Variants in LRP1B observed in about 807,000 individuals in gnomAD.
The protein encoded by LRP1B is low-density lipoprotein receptor-related protein 1B.
In LRP1B, 217 loss-of-function variants were observed where a neutral mutation model predicts 556.6. The ratio of observed to expected loss-of-function variants is 0.39; its 90% CI spans 0.35 to 0.44. The LOEUF is 0.44. Among genes scored for constraint, LRP1B ranks in the 20% least tolerant of loss-of-function variants. LRP1B has a pLI of 1.00. For synonymous variants in LRP1B, 2,047 were observed against 1,865.8 expected, an observed-to-expected ratio of 1.10 and a Z score of -2.50; for missense variants, 5,053 against 5,620.8, an observed-to-expected ratio of 0.90 and a Z score of 3.23.
At chr2:141,464,606 A>ATTTT (rs71391651) in intron 3 of LRP1B, among the ~76,000 whole-genome samples, 1,273 of 90,544 alleles carry the variant, frequency 0.014, 68 homozygotes, top group South Asian at 0.021. Context: ...ATATATATAT[A>ATTTT]TTTTTTTAGT....
intron 86 of LRP1B, chr2:140,269,356 G>A (rs761015954): frequency 4.2e-6 from 2 of 470,594 alleles, no homozygotes; most frequent in African/African-American, 2.0e-5. Context: ...TGGTCACAGC[G>A]CTGACTTTTA....
In LRP1B at chr2:141,015,798, C is replaced by A. The variant is rs2105389266; in HGVS notation, c.2088G>T (p.Trp696Cys). ...RQIFVTSKMLWPNGLTLDFHT... is the reference protein window; with the variant it reads ...RQIFVTSKMLCPNGLTLDFHT... ...GAAAGTCCAGAGTTAAACCGTTTGG[C>A]CACAGCATCTTTGAAGTCACAAAAA... The change falls in exon 13 of 91, where the codon TGG becomes TGT. Residue 696 changes from tryptophan to cysteine, a missense_variant. Around this residue, in one of 5 missense-constraint regions of LRP1B, gnomAD observed 3,619 missense variants for 3,931.9 expected, o/e 0.92. Transcript: ENST00000389484. The A allele has an allele frequency of 6.2e-7, 1 of 1,613,506 alleles. No individual in the cohort carries two copies. Among genetic ancestry groups the A allele is most frequent in the Non-Finnish European group, 8.5e-7 (1 of 1,179,710 alleles).
At chr2:140,397,403 G>A (rs1684301910) in intron 66 of LRP1B, among the ~76,000 whole-genome samples, 2 of 151,972 alleles carry the variant, frequency 1.3e-5, no homozygotes, top group Admixed American at 1.3e-4. Context: ...CTGTGTCCAT[G>A]TGTTCATTTT....
chr2:141,761,038 G>A (rs892548308), intron 2 of LRP1B, among the ~76,000 whole-genome samples: 2 of 152,106 alleles, frequency 1.3e-5, no homozygotes, highest in Non-Finnish European at 2.9e-5. Context: ...TTGACAGACT[G>A]AGTGATCCTG....
chr2:140,269,407 T>C, intron 86 of LRP1B: 1 of 468,066 alleles, frequency 2.1e-6, no homozygotes, highest in Non-Finnish European at 4.4e-6. Context: ...AAAATACAGC[T>C]AAATAAAGCG....
intron 1 of LRP1B, among the ~76,000 whole-genome samples, chr2:142,024,119 G>A (rs749326595): frequency 3.3e-5 from 5 of 152,186 alleles, no homozygotes; most frequent in Admixed American, 6.5e-5. Context: ...TGAATGAAAG[G>A]AGTTTGCCTA....
chr2:140,427,983 A>C (rs1465454755), intron 66 of LRP1B, among the ~76,000 whole-genome samples: 1 of 152,150 alleles, frequency 6.6e-6, no homozygotes, highest in Non-Finnish European at 1.5e-5. Context: ...GGCATAGTCA[A>C]GGTTAATGCT....
intron 2 of LRP1B, among the ~76,000 whole-genome samples, chr2:141,547,290 T>TA (rs759722032): frequency 6.6e-6 from 1 of 152,216 alleles, no homozygotes; most frequent in Non-Finnish European, 1.5e-5. Flanking sequence ...CCTTACATCC[T>TA]AATTTCCAAT....
intron 86 of LRP1B, among the ~76,000 whole-genome samples, chr2:140,262,430 A>C (rs574575260): frequency 6.6e-6 from 1 of 152,290 alleles, no homozygotes; most frequent in African/African-American, 2.4e-5. Flanking sequence ...AAAGAGGAAG[A>C]AACTAAGGTT....
intron 58 of LRP1B, among the ~76,000 whole-genome samples, chr2:140,487,155 C>T (rs893492449): frequency 4.6e-5 from 7 of 151,898 alleles, no homozygotes; most frequent in South Asian, 2.1e-4. Context: ...CCAATCAGGA[C>T]GTTCATGATT....
intron 7 of LRP1B, among the ~76,000 whole-genome samples, chr2:141,082,218 G>A (rs1026670193): frequency 1.3e-5 from 2 of 152,164 alleles, no homozygotes; most frequent in Non-Finnish European, 2.9e-5. Flanking sequence ...TTTACTAAAA[G>A]AGTAGTGAAA....
chr2:140,552,865 T>C (rs1295154897), intron 43 of LRP1B, among the ~76,000 whole-genome samples: 1 of 152,182 alleles, frequency 6.6e-6, no homozygotes, highest in East Asian at 1.9e-4. Flanking sequence ...ATATCTATTG[T>C]CATACAGACT....
chr2:140,416,019 C>T (rs896659228), intron 66 of LRP1B, among the ~76,000 whole-genome samples: 11 of 152,248 alleles, frequency 7.2e-5, no homozygotes, highest in Admixed American at 2.0e-4. Context: ...ACCCCTGGGC[C>T]ATGGATGAGT....
intron 66 of LRP1B, among the ~76,000 whole-genome samples, chr2:140,416,623 C>G (rs1207801106): frequency 1.3e-5 from 2 of 151,800 alleles, no homozygotes; most frequent in Non-Finnish European, 2.9e-5. Context: ...GCACTGCACT[C>G]CAGCCTGGGC....
At chr2:140,451,313 G>C (rs911774832) in intron 62 of LRP1B, among the ~76,000 whole-genome samples, 1 of 152,170 alleles carries the variant, frequency 6.6e-6, no homozygotes, top group African/African-American at 2.4e-5. Flanking sequence ...GGCCTGAAAA[G>C]CCTACAATAT....
At position 140,378,234 on chromosome 2, in the gene LRP1B, A is replaced by T; in HGVS notation, c.10584T>A (p.Val3528=). The T allele has an allele frequency of 6.2e-7, 1 of 1,613,830 alleles. No homozygotes were observed. The highest frequency in any genetic ancestry group is 1.1e-5 in the South Asian group (1 of 91,076). ...KDFLCANGDC[V]SSRFWCDGDF... ...CTCCATCACACCAAAACCTTGAAGA[A>T]ACACAGTCCCCATTGGCACAGAGGA... The change falls in exon 68 of 91, where the codon GTT becomes GTA. Residue 3528 remains valine (V), a synonymous_variant. Coordinates refer to ENST00000389484, the MANE Select transcript of LRP1B (RefSeq NM_018557.3).
chr2:141,880,749 C>G (rs1698930298), intron 1 of LRP1B, among the ~76,000 whole-genome samples: 1 of 151,892 alleles, frequency 6.6e-6, no homozygotes, highest in African/African-American at 2.4e-5. Flanking sequence ...CTGTATGACC[C>G]AACAGTAAGA....
intron 51 of LRP1B, among the ~76,000 whole-genome samples, chr2:140,511,730 A>G (rs1275244073): frequency 1.3e-5 from 2 of 152,196 alleles, no homozygotes; most frequent in African/African-American, 4.8e-5. Flanking sequence ...CTGAGGATCT[A>G]TTTAATAGAA....
chr2:141,226,336 G>C (rs967908977), intron 6 of LRP1B, among the ~76,000 whole-genome samples: 11 of 152,058 alleles, frequency 7.2e-5, no homozygotes, highest in African/African-American at 2.7e-4. Context: ...TATAAAACAG[G>C]AAGGGCATAT....
Sources: allele counts gnomAD v4.1 joint callset (sites outside exome capture counted in the v4.1 genomes callset), GRCh38; gene constraint gnomAD v4.1.1; regional missense constraint gnomAD v4.1.1; transcripts MANE v1.5; gene names NCBI Gene and HGNC (gene_info 2026-07-23, HGNC 2026-07-21).